ARFGEF3: variants seen among roughly 807,000 people sequenced by gnomAD.
ARFGEF3 encodes the protein ARFGEF family member 3.
A neutral mutation model predicts 221.7 loss-of-function variants in ARFGEF3; 96 were observed. That is an observed-to-expected ratio of 0.43 (90% CI 0.37 to 0.51). The LOEUF is 0.51. Ranked by LOEUF, ARFGEF3 falls within the 20% of genes least tolerant of loss-of-function variation. The pLI is 0.00. For synonymous variants in ARFGEF3, 1,145 were observed against 1,126.8 expected (o/e 1.02, Z -0.32); for missense variants, 2,410 against 2,789.9 (o/e 0.86, Z 3.07).
chr6:138,218,055 G>A, intron 4 of ARFGEF3: 2 of 1,613,838 alleles, frequency 1.2e-6, no homozygotes, highest in Non-Finnish European at 1.7e-6. Context: ...TAGGGTCTGA[G>A]TTAACTGCAA....
chr6:138,334,986 TGGA>T lies in ARFGEF3; in HGVS notation c.6142_6144del (p.Glu2048del), dbSNP rs762161883. The T allele has an allele frequency of 1.1e-5, 17 of 1,585,608 alleles. No homozygotes were observed. Among genetic ancestry groups the T allele is most frequent in the Non-Finnish European group, 1.5e-5 (17 of 1,166,774 alleles). On this transcript the variant is annotated inframe_deletion, in exon 33 of 34. Coordinates refer to ENST00000251691, the MANE Select transcript of ARFGEF3 (RefSeq NM_020340.5). This position sits in a 1 kb window ranked among gnomAD's most constrained non-coding sequence, Gnocchi z 5.1. ...TCCGCGTTCCCCAAAGAGGTCAAAG[TGGA>T]GAAGAAAGGAGAGCCACTGGGTCCC...
At chr6:138,327,257 TA>T (rs1780141808) in intron 31 of ARFGEF3, among the ~76,000 whole-genome samples, 1 of 151,918 alleles carries the variant, frequency 6.6e-6, no homozygotes, top group Admixed American at 6.6e-5. Context: ...ACCCCAAACT[TA>T]AAACTTGAAA....
chr6:138,320,086 T>G (rs1250153208), intron 28 of ARFGEF3, among the ~76,000 whole-genome samples: 1 of 152,182 alleles, frequency 6.6e-6, no homozygotes, highest in Non-Finnish European at 1.5e-5. Context: ...TACAAAATTT[T>G]CAAACCGAAT....
chr6:138,248,069 C>T (rs1045955932), intron 8 of ARFGEF3, among the ~76,000 whole-genome samples: 1 of 152,176 alleles, frequency 6.6e-6, no homozygotes, highest in African/African-American at 2.4e-5. Context: ...GCAATTCTAG[C>T]ACTGGGCATC....
At chr6:138,313,679 A>C in intron 25 of ARFGEF3, 116 bp from the exon 26 acceptor site, 1 of 811,260 alleles carries the variant, frequency 1.2e-6, no homozygotes, top group Non-Finnish European at 1.9e-6. Context: ...TCAAATTTTC[A>C]ATGTCTAGTT....
chr6:138,312,858 C>T (rs187569182), intron 25 of ARFGEF3, among the ~76,000 whole-genome samples: 6 of 152,202 alleles, frequency 3.9e-5, no homozygotes, highest in South Asian at 2.1e-4. Flanking sequence ...TACAGGCATG[C>T]GCCACCACAC....
chr6:138,282,382 G>T (rs565038209), intron 14 of ARFGEF3, among the ~76,000 whole-genome samples: 1 of 152,332 alleles, frequency 6.6e-6, no homozygotes, highest in East Asian at 1.9e-4. Context: ...GTGCCCAGCA[G>T]GAACAGCACA....
In ARFGEF3 at chr6:138,263,395, G is replaced by A. The variant is rs1288796132; in HGVS notation, c.1912G>A (p.Ala638Thr). 3 of 1,614,002 alleles carry A rather than the reference G, an allele frequency of 1.9e-6. No individual in the cohort carries two copies. The highest frequency in any genetic ancestry group is 2.2e-5 in the East Asian group (1 of 44,880). Residue 638 changes from alanine (A) to threonine (T), a missense_variant, in exon 12 of 34, where the codon GCC (alanine) becomes ACC (threonine). This residue lies in a region of ARFGEF3 where 594 missense variants were observed against 734.3 expected (regional missense o/e 0.81). Transcript: ENST00000251691. ...CATTGGGTCGGACAACTGTTCACTA[G>A]CCGATGAAGAGCAGACACCCCGGGA... ...SDIGSDNCSL[A>T]DEEQTPRDCL...
At chr6:138,169,566 C>T (rs1165975282) in intron 1 of ARFGEF3, among the ~76,000 whole-genome samples, 1 of 152,186 alleles carries the variant, frequency 6.6e-6, no homozygotes, top group Non-Finnish European at 1.5e-5. Flanking sequence ...GCTGTGCTAA[C>T]TGGTGGGCTG....
At chr6:138,327,123 G>A (rs1447667050) in intron 31 of ARFGEF3, among the ~76,000 whole-genome samples, 1 of 152,176 alleles carries the variant, frequency 6.6e-6, no homozygotes, top group East Asian at 1.9e-4. Context: ...GGGAGAGCAT[G>A]AGAGCATCAG....
At chr6:138,228,269 C>T (rs996427332) in intron 4 of ARFGEF3, among the ~76,000 whole-genome samples, 13 of 148,480 alleles carry the variant, frequency 8.8e-5, no homozygotes, top group African/African-American at 1.5e-4. Context: ...CTCCGCCTCC[C>T]GGGTTCAAGT....
chr6:138,297,861 G>A (rs1779549697), intron 21 of ARFGEF3, among the ~76,000 whole-genome samples: 1 of 152,092 alleles, frequency 6.6e-6, no homozygotes, highest in African/African-American at 2.4e-5. Flanking sequence ...TGTATCTATG[G>A]TCAGCTGGTG....
intron 3 of ARFGEF3, among the ~76,000 whole-genome samples, chr6:138,208,295 C>T (rs1161511125): frequency 1.3e-5 from 2 of 151,984 alleles, no homozygotes; most frequent in Admixed American, 6.6e-5. Flanking sequence ...ATTTTTAGAG[C>T]GTCTCAGTTT....
intron 6 of ARFGEF3, among the ~76,000 whole-genome samples, chr6:138,239,206 C>G (rs574975515): frequency 6.6e-6 from 1 of 152,182 alleles, no homozygotes; most frequent in East Asian, 1.9e-4. Flanking sequence ...ATATTATCTT[C>G]TGGGAATGTT....
intron 32 of ARFGEF3, among the ~76,000 whole-genome samples, chr6:138,332,452 GGGGGACAGACTT>G (rs1283696741): frequency 6.6e-6 from 1 of 152,150 alleles, no homozygotes; most frequent in African/African-American, 2.4e-5. Context: ...ATAGCTATCA[GGGGGACAGACTT>G]GTTTGATCAG....
intron 8 of ARFGEF3, among the ~76,000 whole-genome samples, chr6:138,249,930 C>T (rs2114568103): frequency 6.6e-6 from 1 of 152,334 alleles, no homozygotes; most frequent in East Asian, 1.9e-4. Context: ...TTTATGTCCA[C>T]CTGGTAAGAT....
At chr6:138,293,797 G>T (rs1239872233) in intron 19 of ARFGEF3, among the ~76,000 whole-genome samples, 196 bp from the exon 20 acceptor site, 1 of 152,182 alleles carries the variant, frequency 6.6e-6, no homozygotes, top group Non-Finnish European at 1.5e-5. Flanking sequence ...TATATTCTTT[G>T]TGCCTTTGAA....
At chr6:138,332,348 C>T (rs193245776) in intron 32 of ARFGEF3, among the ~76,000 whole-genome samples, 35 of 114,260 alleles carry the variant, frequency 3.1e-4, no homozygotes, top group Non-Finnish European at 2.3e-4. Context: ...TTCTTTCTTC[C>T]ACTTGGAGAC....
intron 2 of ARFGEF3, among the ~76,000 whole-genome samples, chr6:138,176,510 CAATCTATATATTTT>C (rs1222373008): frequency 6.6e-6 from 1 of 152,174 alleles, no homozygotes; most frequent in Non-Finnish European, 1.5e-5. Context: ...TCCTTTATGA[CAATCTATATATTTT>C]AAGTGGAGCA....
Sources: allele counts gnomAD v4.1 joint callset (sites outside exome capture counted in the v4.1 genomes callset), GRCh38; gene constraint gnomAD v4.1.1; regional missense constraint gnomAD v4.1.1; non-coding constraint Gnocchi (gnomAD v3.1); transcripts MANE v1.5; gene names NCBI Gene and HGNC (gene_info 2026-07-23, HGNC 2026-07-21).